ZNF670: variants seen among roughly 807,000 people sequenced by gnomAD.
The protein encoded by ZNF670 is zinc finger protein 670.
ZNF670 carries 7 observed loss-of-function variants against 10.9 expected under a neutral mutation model. The ratio of observed to expected loss-of-function variants is 0.64; its 90% CI spans 0.36 to 1.20. The LOEUF is 1.20. Ranked by LOEUF, ZNF670 falls within the 50% of genes most tolerant of loss-of-function variation. ZNF670 has a pLI of 0.02. For synonymous variants in ZNF670, 136 were observed against 152.7 expected (o/e 0.89, Z 0.81); for missense variants, 446 against 458.6 (o/e 0.97, Z 0.25).
In ZNF670 at chr1:247,036,531, A is replaced by G. The variant is rs12144260; in HGVS notation, c.*918T>C. On this transcript the variant is annotated 3_prime_UTR_variant, in exon 4 of 4. Coordinates refer to ENST00000366503, the MANE Select transcript of ZNF670 (RefSeq NM_033213.5). ...TATATAATTAGCTGAGCATGGTGGC[A>G]TGTGTCTGTAGCTCCAGCTACATAG... Among the ~76,000 whole-genome samples the G allele has an allele frequency of 0.33, 49,558 of 151,970 alleles. 8,894 individuals carry two copies. Among genetic ancestry groups the G allele is most frequent in the African/African-American group, 0.46 (18,900 of 41,398 alleles).
chr1:247,064,623 T>G (rs1000429722), intron 1 of ZNF670, among the ~76,000 whole-genome samples: 2 of 152,158 alleles, frequency 1.3e-5, no homozygotes, highest in Admixed American at 6.5e-5. Flanking sequence ...GGACAGGAAA[T>G]TATAGACTCA....
chr1:247,053,146 C>T (rs1037234265), intron 1 of ZNF670, among the ~76,000 whole-genome samples: 1 of 152,184 alleles, frequency 6.6e-6, no homozygotes, highest in Non-Finnish European at 1.5e-5. Flanking sequence ...CCCCAGCACC[C>T]GAGCTTATAT....
chr1:247,053,157 G>A (rs1282887648), intron 1 of ZNF670, among the ~76,000 whole-genome samples: 2 of 152,184 alleles, frequency 1.3e-5, no homozygotes, highest in African/African-American at 4.8e-5. Flanking sequence ...GAGCTTATAT[G>A]CAGGAAGCCA....
At chr1:247,072,814 A>ATATATATATATG (rs1169775524) in intron 1 of ZNF670, among the ~76,000 whole-genome samples, 13 of 48,844 alleles carry the variant, frequency 2.7e-4, no homozygotes, top group Non-Finnish European at 5.0e-4. Flanking sequence ...GTATATATAT[A>ATATATATATATG]TATATATATA....
intron 1 of ZNF670, among the ~76,000 whole-genome samples, chr1:247,044,788 C>T (rs190387242): frequency 3.1e-4 from 47 of 152,218 alleles, no homozygotes; most frequent in Non-Finnish European, 3.4e-4. Context: ...GAGCAACAGA[C>T]ACTGGGGCCT....
intron 1 of ZNF670, among the ~76,000 whole-genome samples, chr1:247,076,927 C>G (rs1671268098): frequency 6.6e-6 from 1 of 152,172 alleles, no homozygotes; most frequent in East Asian, 1.9e-4. Context: ...TCCCAAAATG[C>G]TGGGATTACA....
At chr1:247,072,802 G>GTTTATATATATATA in intron 1 of ZNF670, among the ~76,000 whole-genome samples, 1 of 21,782 alleles carries the variant, frequency 4.6e-5, no homozygotes, top group Non-Finnish European at 8.1e-5. Flanking sequence ...AAAAAAGTGT[G>GTTTATATATATATA]TGTATATATA....
chr1:247,072,869 A>AC (rs1558348526), intron 1 of ZNF670, among the ~76,000 whole-genome samples: 5 of 98,262 alleles, frequency 5.1e-5, no homozygotes, highest in African/African-American at 2.2e-4. Flanking sequence ...CACACACACA[A>AC]ACATCTTTTC....
chr1:247,046,215 AAG>A (rs1015248415), intron 1 of ZNF670, among the ~76,000 whole-genome samples: 4 of 152,218 alleles, frequency 2.6e-5, no homozygotes, highest in African/African-American at 9.6e-5. Flanking sequence ...AATGACTTGT[AAG>A]AGAGAGTTGC....
intron 1 of ZNF670, among the ~76,000 whole-genome samples, chr1:247,046,924 G>A (rs1298246732): frequency 6.6e-6 from 1 of 152,158 alleles, no homozygotes; most frequent in Non-Finnish European, 1.5e-5. Flanking sequence ...AAAACAAAGG[G>A]GCTACAGGCC....
rs532720131 is a variant in ZNF670 at position 247,059,935 on chromosome 1, T to C, written c.3+18659A>G. On this transcript the variant is annotated intron_variant, in intron 1 of 3. Transcript: ENST00000366503. ...AGCACCCAGTAAAAAGAAAGACCTA[T>C]ATGACAAAACTATGCAAAACTATAC... 1.2e-4 allele frequency among the ~76,000 whole-genome samples: 18 copies of C among 152,218 alleles called. No homozygotes were observed. The South Asian group carries it at 3.7e-3, about 32-fold the overall frequency.
intron 1 of ZNF670, among the ~76,000 whole-genome samples, chr1:247,054,349 C>T (rs929825268): frequency 6.6e-6 from 1 of 152,356 alleles, no homozygotes; most frequent in East Asian, 1.9e-4. Flanking sequence ...CTTATACCAT[C>T]CCTCCTTCAA....
At chr1:247,044,451 C>T (rs1190725759) in intron 1 of ZNF670, among the ~76,000 whole-genome samples, 1 of 152,182 alleles carries the variant, frequency 6.6e-6, no homozygotes, top group East Asian at 1.9e-4. Context: ...AATCCCATTA[C>T]TGGATACACA....
chr1:247,074,601 C>T (rs977794821), intron 1 of ZNF670, among the ~76,000 whole-genome samples: 2 of 152,156 alleles, frequency 1.3e-5, no homozygotes, highest in African/African-American at 2.4e-5. Context: ...TCATAGAACA[C>T]AGATTTTCCA....
intron 1 of ZNF670, among the ~76,000 whole-genome samples, chr1:247,075,042 A>G (rs1671221562): frequency 6.6e-6 from 1 of 152,184 alleles, no homozygotes; most frequent in South Asian, 2.1e-4. Flanking sequence ...AGCTCCTTTC[A>G]TGGCTGAGGT....
chr1:247,042,200 T>C (rs1670327037), intron 1 of ZNF670, among the ~76,000 whole-genome samples: 1 of 152,198 alleles, frequency 6.6e-6, no homozygotes, highest in Non-Finnish European at 1.5e-5. Context: ...ATTTACAGAT[T>C]TCACAGAAAT....
chr1:247,059,155 C>T (rs1230092698), intron 1 of ZNF670, among the ~76,000 whole-genome samples: 1 of 151,910 alleles, frequency 6.6e-6, no homozygotes, highest in Non-Finnish European at 1.5e-5. Context: ...AAAATACACA[C>T]CCCAGGCTGG....
intron 1 of ZNF670, among the ~76,000 whole-genome samples, chr1:247,072,246 G>A (rs1042699747): frequency 2.6e-5 from 4 of 151,270 alleles, no homozygotes; most frequent in Admixed American, 1.3e-4. Context: ...GAACTCTGAG[G>A]CTCAAGTGAT....
At chr1:247,072,089 C>T (rs1051847312) in intron 1 of ZNF670, among the ~76,000 whole-genome samples, 3 of 151,766 alleles carry the variant, frequency 2.0e-5, no homozygotes, top group Non-Finnish European at 4.4e-5. Flanking sequence ...GATCTCCTGA[C>T]CTCGTGATCT....
Sources: gnomAD v4.1 joint callset for allele counts (sites outside exome capture counted in the v4.1 genomes callset) on GRCh38, gnomAD v4.1.1 for gene constraint, MANE v1.5 for transcripts, NCBI Gene and HGNC (gene_info 2026-07-23, HGNC 2026-07-21) for gene names.